Variants in CHST15 observed in about 807,000 individuals in gnomAD.
CHST15 encodes carbohydrate sulfotransferase 15.
Under a neutral mutation model 53.6 loss-of-function variants are expected in CHST15, and 30 were observed. The observed-to-expected ratio is 0.56, with a 90% CI of 0.42 to 0.76. The LOEUF (loss-of-function observed/expected upper bound fraction) is 0.76. CHST15 is among the 30% of genes least tolerant of loss of function. CHST15 has a pLI of 0.00. For synonymous variants in CHST15, 296 were observed against 289.8 expected (o/e 1.02, Z -0.22); for missense variants, 627 against 740.5 (o/e 0.85, Z 1.78).
intron 5 of CHST15, 121 bp from the exon 6 acceptor site, chr10:124,021,533 C>T (rs1273157424): frequency 1.4e-6 from 2 of 1,474,498 alleles, no homozygotes; most frequent in African/African-American, 2.8e-5. Flanking sequence ...GCACAACCAC[C>T]CTTCTTCTTT....
intron 1 of CHST15, among the ~76,000 whole-genome samples, chr10:124,061,014 G>A (rs1040312534): frequency 2.6e-5 from 4 of 152,190 alleles, no homozygotes; most frequent in African/African-American, 9.7e-5. Flanking sequence ...CAACGCTAAA[G>A]GTAGGTGTAA....
At chr10:124,092,495 C>A (rs1034271471) in intron 1 of CHST15, 2 of 152,078 alleles carry the variant, frequency 1.3e-5, no homozygotes, top group African/African-American at 4.8e-5. Context: ...GAGGAGGGGG[C>A]GGGGAGCAAA....
chr10:124,029,719 C>A (rs146957712), intron 5 of CHST15, among the ~76,000 whole-genome samples: 1 of 152,236 alleles, frequency 6.6e-6, no homozygotes, highest in Non-Finnish European at 1.5e-5. Flanking sequence ...TAAAGCCAGG[C>A]GCAGGGTGTG....
intron 6 of CHST15, among the ~76,000 whole-genome samples, chr10:124,013,738 C>T (rs951302992): frequency 6.6e-6 from 1 of 152,220 alleles, no homozygotes; most frequent in Non-Finnish European, 1.5e-5. Flanking sequence ...AAAACAGCCT[C>T]ATCCCCTTTT....
In CHST15 at chr10:124,046,293, TAG is replaced by T. The variant is rs1349714820; in HGVS notation, c.-83_-82del. Reference sequence around the variant, plus strand: ...GAGTCTGGATGTCCGCAAGTCGTGCTAGAAAACCTTAAGAATGCCTTGTGATC... The same window carrying T: ...GAGTCTGGATGTCCGCAAGTCGTGCTAAAACCTTAAGAATGCCTTGTGATC... On this transcript the variant is annotated 5_prime_UTR_variant, in exon 2 of 8. Coordinates refer to ENST00000435907, the MANE Select transcript of CHST15 (RefSeq NM_001270764.2). 1.5e-6 allele frequency: 2 copies of T among 1,356,172 alleles called. No homozygotes were observed. The highest frequency in any genetic ancestry group is 4.8e-5 in the Admixed American group (2 of 41,882). 84.0% of individuals were successfully genotyped at this position (1,356,172 alleles called of 1,614,324 possible).
At chr10:124,066,204 A>G (rs1161620022) in intron 1 of CHST15, among the ~76,000 whole-genome samples, 2 of 152,156 alleles carry the variant, frequency 1.3e-5, no homozygotes, top group Non-Finnish European at 2.9e-5. Flanking sequence ...GGGGGTTTAA[A>G]ACATTATTCC....
At chr10:124,028,108 G>A (rs1055182389) in intron 5 of CHST15, among the ~76,000 whole-genome samples, 2 of 152,210 alleles carry the variant, frequency 1.3e-5, no homozygotes, top group Non-Finnish European at 2.9e-5. Flanking sequence ...TAGGATAAAC[G>A]TGAGGAACTC....
At chr10:124,011,649 G>C in intron 7 of CHST15, 1 of 985,434 alleles carries the variant, frequency 1.0e-6, no homozygotes, top group Non-Finnish European at 1.2e-6. Flanking sequence ...ACATGCCTCT[G>C]CCAGCCATCA....
rs758243657 is a variant in CHST15, at chr10:124,045,112, C to CAAAAAAAAAAAAAAAA, written c.547-209_547-194dup. On this transcript the variant is annotated intron_variant, in intron 2 of 7. Coordinates refer to ENST00000435907, the MANE Select transcript of CHST15 (RefSeq NM_001270764.2). ...TGCTTTCCTCTCCCCCGCCGCCCCA[C>CAAAAAAAAAAAAAAAA]AAAAAAAAAAAAAAAAAAAAAAAAA... Among the ~76,000 whole-genome samples, 74 of 33,734 alleles carry CAAAAAAAAAAAAAAAA rather than the reference C, an allele frequency of 2.2e-3. 1 individual carries two copies. Among genetic ancestry groups the CAAAAAAAAAAAAAAAA allele is most frequent in the Non-Finnish European group, 3.9e-3 (57 of 14,560 alleles). 22.1% of individuals were successfully genotyped at this position (33,734 alleles called of 152,430 possible). A position where few individuals can be genotyped will look rare whatever the true frequency, so the allele number is the denominator to read the frequency against.
chr10:124,010,935 T>C (rs1188319909), intron 7 of CHST15: 1 of 985,274 alleles, frequency 1.0e-6, no homozygotes, highest in Non-Finnish European at 1.2e-6. Context: ...AGAAGAGGCC[T>C]GCCGGCAAGG....
At chr10:124,040,144 C>A (rs1198966419) in intron 4 of CHST15, among the ~76,000 whole-genome samples, 1 of 152,198 alleles carries the variant, frequency 6.6e-6, no homozygotes, top group Non-Finnish European at 1.5e-5. Flanking sequence ...TAAATTGGCA[C>A]AAATTCTGTC....
chr10:124,061,932 C>A (rs1321605597), intron 1 of CHST15, among the ~76,000 whole-genome samples: 1 of 151,906 alleles, frequency 6.6e-6, no homozygotes, highest in Non-Finnish European at 1.5e-5. Flanking sequence ...AAGCTCTGTC[C>A]AAGCTGCACT....
At chr10:124,028,279 C>A (rs979496781) in intron 5 of CHST15, among the ~76,000 whole-genome samples, 1 of 152,162 alleles carries the variant, frequency 6.6e-6, no homozygotes, top group Admixed American at 6.5e-5. Flanking sequence ...CCTTGGTGAT[C>A]GCAATAGCTC....
In CHST15 at chr10:124,012,365, G is replaced by C. The variant is rs1299520036; in HGVS notation, c.1463C>G (p.Thr488Ser). Residue 488 changes from threonine to serine, a missense_variant, in exon 7 of 8, where the codon ACC becomes AGC. By Grantham distance (58) the Thr-to-Ser change is moderately conservative. This residue lies in a region of CHST15 where 279 missense variants were observed against 371.6 expected (regional missense o/e 0.75). Coordinates refer to ENST00000435907, the MANE Select transcript of CHST15 (RefSeq NM_001270764.2). Reference protein sequence around the residue: ...LEDHASNVKYTMHKVFQFLNL... With the variant: ...LEDHASNVKYSMHKVFQFLNL... ...CAGAAACTGGAAGACCTTGTGCATG[G>C]TGTACTTGACGTTGGATGCATGATC... The C allele has an allele frequency of 6.2e-7, 1 of 1,614,096 alleles. No homozygotes were observed. The highest frequency in any genetic ancestry group is 1.1e-5 in the South Asian group (1 of 91,078).
intron 1 of CHST15, among the ~76,000 whole-genome samples, chr10:124,066,271 G>T (rs1476460345): frequency 6.6e-6 from 1 of 152,082 alleles, no homozygotes; most frequent in South Asian, 2.1e-4. Flanking sequence ...CTAGGGGAAG[G>T]GGGAGGAGGC....
chr10:124,071,422 C>T (rs1305519502), intron 1 of CHST15, among the ~76,000 whole-genome samples: 1 of 152,204 alleles, frequency 6.6e-6, no homozygotes, highest in Non-Finnish European at 1.5e-5. Context: ...CTCCTCTCCT[C>T]CAACTCCCTA....
intron 1 of CHST15, among the ~76,000 whole-genome samples, chr10:124,078,660 G>A (rs1429819618): frequency 1.3e-5 from 2 of 152,182 alleles, no homozygotes; most frequent in Admixed American, 6.5e-5. Flanking sequence ...TTACGGAAAC[G>A]AATTTTAACT....
intron 2 of CHST15, among the ~76,000 whole-genome samples, 191 bp from the exon 3 acceptor site, chr10:124,045,110 C>CACAAAAAAAAAAA (rs1947916143): frequency 2.0e-4 from 1 of 4,886 alleles, no homozygotes; most frequent in Non-Finnish European, 4.9e-4. Flanking sequence ...CCCGCCGCCC[C>CACAAAAAAAAAAA]ACAAAAAAAA....
chr10:124,055,994 C>T (rs1220592398), intron 1 of CHST15, among the ~76,000 whole-genome samples: 2 of 152,148 alleles, frequency 1.3e-5, no homozygotes, highest in East Asian at 1.9e-4. Flanking sequence ...TACAAACCTG[C>T]GGGTACCTGC....
Sources: allele counts gnomAD v4.1 joint callset (sites outside exome capture counted in the v4.1 genomes callset), GRCh38; gene constraint gnomAD v4.1.1; regional missense constraint gnomAD v4.1.1; transcripts MANE v1.5; gene names NCBI Gene and HGNC (gene_info 2026-07-23, HGNC 2026-07-21).